The following FAT4 variants were observed in gnomAD, a reference collection of about 807,000 sequenced individuals.
FAT4 encodes the protein protocadherin Fat 4.
FAT4 carries 84 observed loss-of-function variants against 303.9 expected under a neutral mutation model. The observed-to-expected ratio is 0.28, with a 90% CI of 0.23 to 0.33. The LOEUF is 0.33. Among genes scored for constraint, FAT4 ranks in the 10% least tolerant of loss-of-function variants. FAT4 has a pLI of 1.00. For missense variants in FAT4, 6,005 were observed against 6,146.8 expected (o/e 0.98, Z 0.77); for synonymous variants, 2,307 against 2,298.8 (o/e 1.00, Z -0.10).
At chr4:125,327,002 G>A (rs746609397) in intron 2 of FAT4, among the ~76,000 whole-genome samples, 1 of 152,146 alleles carries the variant, frequency 6.6e-6, no homozygotes, top group Non-Finnish European at 1.5e-5. Context: ...TCCAGGCTGG[G>A]TGACAGAATT....
chr4:125,396,932 A>G (rs199799015), intron 2 of FAT4, among the ~76,000 whole-genome samples: 102 of 558 alleles, frequency 0.18, 1 homozygote, highest in Admixed American at 0.44. Flanking sequence ...GTGTGTATAT[A>G]TATATATATA....
intron 2 of FAT4, among the ~76,000 whole-genome samples, chr4:125,332,159 CTTTTTTTTT>C (rs199702900): frequency 7.5e-6 from 1 of 133,304 alleles, no homozygotes; most frequent in Non-Finnish European, 1.6e-5. Flanking sequence ...CCGTTCCATT[CTTTTTTTTT>C]TTTTTTTTCC....
chr4:125,421,261 A>G (rs1724875388), intron 7 of FAT4, among the ~76,000 whole-genome samples: 1 of 152,156 alleles, frequency 6.6e-6, no homozygotes, highest in African/African-American at 2.4e-5. Flanking sequence ...GGTTTTCCCA[A>G]AGCAAACAAT....
At chr4:125,342,702 T>C (rs72673292) in intron 2 of FAT4, among the ~76,000 whole-genome samples, 27,374 of 151,346 alleles carry the variant, frequency 0.18, 2,946 homozygotes, top group Non-Finnish European at 0.24. Flanking sequence ...TCATCATATA[T>C]GTTTGAATTT....
chr4:125,474,264 C>T (rs1009854061), intron 12 of FAT4, among the ~76,000 whole-genome samples: 47 of 152,010 alleles, frequency 3.1e-4, no homozygotes, highest in African/African-American at 1.1e-3. Context: ...CCATGTGGTA[C>T]TTTCTAGTTT....
chr4:125,316,591 G>T lies in FAT4; in HGVS notation c.180G>T (p.Leu60=). 6.2e-7 allele frequency: 1 copy of T among 1,613,982 alleles called. No individual in the cohort carries two copies. The highest frequency in any genetic ancestry group is 8.5e-7 in the Non-Finnish European group (1 of 1,180,022). The change falls in exon 2 of 18, where the codon CTG becomes CTT. Residue 60 remains leucine (L), a synonymous_variant. Coordinates refer to ENST00000394329, the MANE Select transcript of FAT4 (RefSeq NM_001291303.3). This position sits in a 1 kb window ranked among gnomAD's most constrained non-coding sequence, Gnocchi z 5.7. ...QVLEEQPPGT[L]VGTIQTRPGF... is the part of the protein sequence containing the mutation. ...TGGAAGAGCAACCTCCAGGCACTCT[G>T]GTAGGCACCATCCAGACGCGCCCCG...
rs1730725645 is a variant in FAT4 at position 125,318,134 on chromosome 4, G to A, written c.1723G>A (p.Val575Met). 6.2e-7 allele frequency: 1 copy of A among 1,614,172 alleles called. No individual in the cohort carries two copies. Reference protein sequence around the residue: ...YAQLVVTLLDVNDEKPVFSQP... With the variant: ...YAQLVVTLLDMNDEKPVFSQP... Reference sequence around the variant, plus strand: ...CCAGCTTGTAGTAACTCTCCTAGATGTGAATGATGAAAAGCCAGTATTTAG... The same window carrying A: ...CCAGCTTGTAGTAACTCTCCTAGATATGAATGATGAAAAGCCAGTATTTAG... The change falls in exon 2 of 18, where the codon GTG becomes ATG. Residue 575 changes from valine (V) to methionine (M), a missense_variant. Val to Met is a conservative substitution (Grantham distance 21). Transcript: ENST00000394329.
chr4:125,382,590 T>G (rs1258143161), intron 2 of FAT4, among the ~76,000 whole-genome samples: 1 of 152,154 alleles, frequency 6.6e-6, no homozygotes, highest in East Asian at 1.9e-4. Context: ...AGCATACTTC[T>G]GTGGGGCTTC....
Position 125,452,292 on chromosome 4 carries a change from G to T in FAT4, c.11282G>T (p.Arg3761Ile). The T allele has an allele frequency of 6.2e-7, 1 of 1,614,234 alleles. No homozygotes were observed. Among genetic ancestry groups the T allele is most frequent in the Non-Finnish European group, 8.5e-7 (1 of 1,180,032 alleles). Reference protein sequence around the residue: ...QLYSAYEENNRTFLLAAVKRN... With the variant: ...QLYSAYEENNITFLLAAVKRN... The stretch of plus-strand genomic sequence containing the variant: ...TACAGTGCATATGAAGAGAACAATA[G>T]AACGTTTCTTTTGGCAGCTGTGAAG... Residue 3761 changes from arginine to isoleucine, a missense_variant, in exon 10 of 18, where the codon AGA (arginine) becomes ATA (isoleucine). By Grantham distance (97) the Arg-to-Ile change is moderately conservative. Transcript: ENST00000394329.
chr4:125,452,216 T>C lies in FAT4; in HGVS notation c.11206T>C (p.Leu3736=). The C allele has an allele frequency of 6.2e-7, 1 of 1,614,226 alleles. No individual in the cohort carries two copies. The highest frequency in any genetic ancestry group is 1.1e-5 in the South Asian group (1 of 91,086). Residue 3736 remains leucine, a synonymous_variant, in exon 10 of 18, where the codon TTA becomes CTA. Coordinates refer to ENST00000394329, the MANE Select transcript of FAT4 (RefSeq NM_001291303.3). ...DFLTNHYLHF[L]RIASSQLTGL... is the part of the protein sequence containing the mutation. ...CTTGACCAACCACTATCTTCATTTTTTACGCATTGCCAGCTCACAGCTGAC... is the reference window on the plus strand; with the variant it reads ...CTTGACCAACCACTATCTTCATTTTCTACGCATTGCCAGCTCACAGCTGAC...
Position 125,487,507 on chromosome 4 carries a change from G to C in FAT4, c.12985G>C (p.Asp4329His), listed in dbSNP as rs763900498. Reference sequence around the variant, plus strand: ...GTCTGTTGACAGAATATATAACAGAGATATTATCCACCCTACTCAGGACTT... The same window carrying C: ...GTCTGTTGACAGAATATATAACAGACATATTATCCACCCTACTCAGGACTT... ...VLSVDRIYNR[D>H]IIHPTQDFGG... Residue 4329 changes from aspartate to histidine, a missense_variant, in exon 17 of 18, where the codon GAT (aspartate) becomes CAT (histidine). Coordinates refer to ENST00000394329, the MANE Select transcript of FAT4 (RefSeq NM_001291303.3). 1 of 1,613,998 alleles carries C rather than the reference G, an allele frequency of 6.2e-7. No homozygotes were observed. Among genetic ancestry groups the C allele is most frequent in the Admixed American group, 1.7e-5 (1 of 60,014 alleles).
chr4:125,331,747 T>C (rs1163490155), intron 2 of FAT4, among the ~76,000 whole-genome samples: 2 of 152,198 alleles, frequency 1.3e-5, no homozygotes, highest in Non-Finnish European at 2.9e-5. Flanking sequence ...TTGAAAACAT[T>C]ACTACTTTTA....
intron 7 of FAT4, among the ~76,000 whole-genome samples, chr4:125,429,003 C>T (rs1725192101): frequency 6.6e-6 from 1 of 152,182 alleles, no homozygotes; most frequent in East Asian, 1.9e-4. Context: ...TATTACACCA[C>T]TACCTATATA....
intron 9 of FAT4, among the ~76,000 whole-genome samples, chr4:125,447,222 A>C (rs1336773578): frequency 6.6e-6 from 1 of 152,112 alleles, no homozygotes; most frequent in African/African-American, 2.4e-5. Flanking sequence ...CTGCCATTTT[A>C]ATTTTTAAAA....
At chr4:125,366,466 G>A (rs1732891224) in intron 2 of FAT4, among the ~76,000 whole-genome samples, 1 of 152,124 alleles carries the variant, frequency 6.6e-6, no homozygotes, top group South Asian at 2.1e-4. Flanking sequence ...TCCATGGTGT[G>A]TATGTACTAT....
chr4:125,319,948 C>A lies in FAT4; in HGVS notation c.3537C>A (p.Val1179=), dbSNP rs1730858588. 10 of 1,613,414 alleles carry A rather than the reference C, an allele frequency of 6.2e-6. No homozygotes were observed. The East Asian group carries it at 2.2e-4, about 36-fold the overall frequency. The change falls in exon 2 of 18, where the codon GTC becomes GTA. Residue 1179 remains valine, a synonymous_variant. Transcript: ENST00000394329. ...RRGTAVFSFT[V]IATDQGIPQP... Reference sequence around the variant, plus strand: ...GGACTGCTGTGTTTAGCTTTACAGTCATAGCAACAGATCAGGGGATCCCTC... The same window carrying A: ...GGACTGCTGTGTTTAGCTTTACAGTAATAGCAACAGATCAGGGGATCCCTC...
intron 8 of FAT4, among the ~76,000 whole-genome samples, chr4:125,441,187 T>G (rs1317310923): frequency 6.6e-6 from 1 of 152,142 alleles, no homozygotes; most frequent in African/African-American, 2.4e-5. Context: ...CCATAAGAAG[T>G]GCAATTTAAT....
chr4:125,382,944 A>T (rs1011414405), intron 2 of FAT4, among the ~76,000 whole-genome samples: 2 of 152,174 alleles, frequency 1.3e-5, no homozygotes, highest in African/African-American at 4.8e-5. Flanking sequence ...CTAGCTTCCA[A>T]CTTTTCTTCT....
rs10518467 is a variant in FAT4, at chr4:125,476,979, G to A, written c.12300-176G>A. Among the ~76,000 whole-genome samples, 58,076 of 151,092 alleles carry A rather than the reference G, an allele frequency of 0.38. 11,157 individuals are homozygous for A. The highest frequency in any genetic ancestry group is 0.47 in the Middle Eastern group (136 of 290). On this transcript the variant is annotated intron_variant, in intron 13 of 17. Coordinates refer to ENST00000394329, the MANE Select transcript of FAT4 (RefSeq NM_001291303.3). ...TAAATATTATTATTTTTCATAATTC[G>A]GAAGTCTAACAACTCTGTGTGTGTA... is the stretch of plus-strand genomic sequence containing the variant.
Sources: gnomAD v4.1 joint callset for allele counts (sites outside exome capture counted in the v4.1 genomes callset) on GRCh38, gnomAD v4.1.1 for gene constraint, Gnocchi (gnomAD v3.1) non-coding constraint, MANE v1.5 for transcripts, NCBI Gene and HGNC (gene_info 2026-07-23, HGNC 2026-07-21) for gene names.